ACVR2B: variants seen among roughly 807,000 people sequenced by gnomAD.
ACVR2B encodes the protein activin receptor type-2B.
A neutral mutation model predicts 65.1 loss-of-function variants in ACVR2B; 18 were observed. The ratio of observed to expected loss-of-function variants is 0.28; its 90% CI spans 0.19 to 0.41. The LOEUF (loss-of-function observed/expected upper bound fraction) is 0.41, where lower values mean the gene tolerates loss of function less well. ACVR2B is among the 10% of genes least tolerant of loss of function. ACVR2B has a pLI of 1.00. For missense variants in ACVR2B, 482 were observed against 682.7 expected (o/e 0.71, Z 3.28); for synonymous variants, 298 against 277.7 (o/e 1.07, Z -0.73).
chr3:38,464,121 C>T (rs891664768), intron 1 of ACVR2B, among the ~76,000 whole-genome samples: 1 of 152,240 alleles, frequency 6.6e-6, no homozygotes, highest in Non-Finnish European at 1.5e-5. Flanking sequence ...GTTAGGGCCT[C>T]AACCTATGAA....
rs756296682 is a variant in ACVR2B, at chr3:38,477,815, T to C, written c.261-46T>C. 7 of 1,575,460 alleles carry C rather than the reference T, an allele frequency of 4.4e-6. No homozygotes were observed. The Admixed American group carries it at 1.2e-4, about 26-fold the overall frequency. ...TTGGCAGGGCAGGCCTGGGGGAGTC[T>C]TGCATCCCCCAGGTGAGGGGTATAT... On this transcript the variant is annotated intron_variant, in intron 2 of 10. Transcript: ENST00000352511. The surrounding 1 kb of genome is among the most constrained non-coding windows in gnomAD (Gnocchi z 6.7).
intron 6 of ACVR2B, 133 bp from the exon 7 acceptor site, chr3:38,479,545 T>G: frequency 8.6e-7 from 1 of 1,166,466 alleles, no homozygotes; most frequent in Non-Finnish European, 1.3e-6. Context: ...TCATCCATCT[T>G]CCATATCGAT....
At chr3:38,476,004 GGGT>G (rs1709900939) in intron 1 of ACVR2B, 1 of 152,334 alleles carries the variant, frequency 6.6e-6, no homozygotes, top group Non-Finnish European at 1.5e-5. Context: ...CTATCCTCTC[GGGT>G]GTCTGTGTGG....
In ACVR2B at chr3:38,481,219, T is replaced by G. The variant is rs1710011816; in HGVS notation, c.960-132T>G. ...AGCTGCCTGCTTGTGCTGCTTCACC[T>G]CTGCACCCCAGGTAGGGTGGGATGG... is the stretch of plus-strand genomic sequence containing the variant. On this transcript the variant is annotated intron_variant, in intron 7 of 10. Transcript: ENST00000352511. The surrounding 1 kb of genome is among the most constrained non-coding windows in gnomAD (Gnocchi z 4.7). 2.2e-5 allele frequency: 17 copies of G among 790,316 alleles called. No individual in the cohort carries two copies. In the South Asian group the frequency reaches 2.3e-4, roughly 11 times the overall value. 49.0% of individuals were successfully genotyped at this position (790,316 alleles called of 1,614,324 possible). A position where few individuals can be genotyped will look rare whatever the true frequency, so the allele number is the denominator to read the frequency against.
intron 1 of ACVR2B, among the ~76,000 whole-genome samples, chr3:38,457,716 G>A (rs550389249): frequency 6.6e-6 from 1 of 152,322 alleles, no homozygotes; most frequent in Non-Finnish European, 1.5e-5. Context: ...TCTTGGAGAG[G>A]GACCTGCCTC....
In ACVR2B at chr3:38,454,311, G is replaced by A; in HGVS notation, c.-12G>A. On this transcript the variant is annotated 5_prime_UTR_variant, in exon 1 of 11. Transcript: ENST00000352511. The stretch of plus-strand genomic sequence containing the variant: ...GCGGGCTCCGGGTGTGCGCGGGGCG[G>A]CGCCGCGGAACATGACGGCGCCCTG... 1.6e-6 allele frequency: 2 copies of A among 1,285,186 alleles called. No individual in the cohort carries two copies. The highest frequency in any genetic ancestry group is 9.8e-7 in the Non-Finnish European group (1 of 1,016,468). The allele number at this position is 1,285,186 out of a possible 1,614,324, so 79.6% of individuals were successfully genotyped here. A position where few individuals can be genotyped will look rare whatever the true frequency, so the allele number is the denominator to read the frequency against.
chr3:38,459,669 G>A (rs1709608737), intron 1 of ACVR2B: 1 of 985,408 alleles, frequency 1.0e-6, no homozygotes, highest in South Asian at 4.7e-5. Context: ...ACCAGGGCAG[G>A]TGGGCAGCCT....
intron 1 of ACVR2B, among the ~76,000 whole-genome samples, chr3:38,470,018 C>T (rs1043360650): frequency 3.3e-5 from 5 of 151,620 alleles, no homozygotes; most frequent in South Asian, 2.1e-4. Context: ...AGAGAGAATT[C>T]GTGAATTGGA....
chr3:38,475,089 T>G (rs901685247), intron 1 of ACVR2B: 1 of 152,334 alleles, frequency 6.6e-6, no homozygotes. Context: ...GGAGGCCCTG[T>G]GGCCTCTGGG....
chr3:38,465,296 G>A (rs1297264052), intron 1 of ACVR2B, among the ~76,000 whole-genome samples: 1 of 151,726 alleles, frequency 6.6e-6, no homozygotes, highest in Non-Finnish European at 1.5e-5. Flanking sequence ...CTACTTGGGG[G>A]GCTGAGGCAG....
intron 7 of ACVR2B, among the ~76,000 whole-genome samples, chr3:38,480,043 A>G (rs1709990567): frequency 6.6e-6 from 1 of 152,222 alleles, no homozygotes; most frequent in Non-Finnish European, 1.5e-5. Flanking sequence ...TAATGGCCAC[A>G]TGAAGTGCTG....
intron 1 of ACVR2B, among the ~76,000 whole-genome samples, chr3:38,462,396 T>G (rs966236601): frequency 6.6e-6 from 1 of 152,144 alleles, no homozygotes; most frequent in African/African-American, 2.4e-5. Flanking sequence ...AATCAGAAAT[T>G]TTCCAGCCCC....
Position 38,477,438 on chromosome 3 carries a change from C to T in ACVR2B, c.204C>T (p.Gly68=). The T allele has an allele frequency of 1.2e-6, 2 of 1,614,188 alleles. No homozygotes were observed. The highest frequency in any genetic ancestry group is 1.7e-6 in the Non-Finnish European group (2 of 1,180,014). Residue 68 remains glycine (G), a synonymous_variant, in exon 2 of 11, where the codon GGC becomes GGT. Coordinates refer to ENST00000352511, the MANE Select transcript of ACVR2B (RefSeq NM_001106.4). This position sits in a 1 kb window ranked among gnomAD's most constrained non-coding sequence, Gnocchi z 6.7. ...HCYASWRNSS[G]TIELVKKGCW... Reference sequence around the variant, plus strand: ...ACGCCTCCTGGCGCAACAGCTCTGGCACCATCGAGCTCGTGAAGAAGGGCT... The same window carrying T: ...ACGCCTCCTGGCGCAACAGCTCTGGTACCATCGAGCTCGTGAAGAAGGGCT...
chr3:38,485,220 A>G lies in ACVR2B; in HGVS notation c.*1888A>G. 6.6e-6 allele frequency: 1 copy of G among 152,186 alleles called. No individual in the cohort carries two copies. The highest frequency in any genetic ancestry group is 1.5e-5 in the Non-Finnish European group (1 of 68,038). 9.4% of individuals were successfully genotyped at this position (152,186 alleles called of 1,614,324 possible). A position where few individuals can be genotyped will look rare whatever the true frequency, so the allele number is the denominator to read the frequency against. Reference sequence around the variant, plus strand: ...TAATTCACATGTAACATGTAACTTGATCGGTCAGTGTTCAGAATGACAAGT... The same window carrying G: ...TAATTCACATGTAACATGTAACTTGGTCGGTCAGTGTTCAGAATGACAAGT... On this transcript the variant is annotated 3_prime_UTR_variant, in exon 11 of 11. Transcript: ENST00000352511.
intron 1 of ACVR2B, among the ~76,000 whole-genome samples, chr3:38,464,560 G>A (rs1709699292): frequency 7.6e-6 from 1 of 131,566 alleles, no homozygotes; most frequent in Non-Finnish European, 1.8e-5. Context: ...AAAGGCCTAG[G>A]GTGATGATTT....
intron 1 of ACVR2B, among the ~76,000 whole-genome samples, chr3:38,472,744 G>A (rs555822434): frequency 6.6e-6 from 1 of 152,230 alleles, no homozygotes; most frequent in African/African-American, 2.4e-5. Flanking sequence ...GACTCCAGGG[G>A]AGGTGGGCAT....
chr3:38,459,838 A>G lies in ACVR2B; in HGVS notation c.52+5464A>G, dbSNP rs1013675277. On this transcript the variant is annotated intron_variant, in intron 1 of 10. Transcript: ENST00000352511. ...TGGAGGCCCTGGTGGAGCGGTTGGTATCTGTGGAGGCTTGTCTATTGGGCT... is the reference window on the plus strand; with the variant it reads ...TGGAGGCCCTGGTGGAGCGGTTGGTGTCTGTGGAGGCTTGTCTATTGGGCT... 15 of 217,362 alleles carry G rather than the reference A, an allele frequency of 6.9e-5. No homozygotes were observed. The East Asian group carries it at 1.5e-3, about 21-fold the overall frequency. 13.5% of individuals were successfully genotyped at this position (217,362 alleles called of 1,614,324 possible). A position where few individuals can be genotyped will look rare whatever the true frequency, so the allele number is the denominator to read the frequency against.
At chr3:38,458,460 TC>T (rs891422913) in intron 1 of ACVR2B, among the ~76,000 whole-genome samples, 2 of 152,194 alleles carry the variant, frequency 1.3e-5, no homozygotes, top group Non-Finnish European at 2.9e-5. Flanking sequence ...CCTGCACATA[TC>T]CACTGTAGTA....
chr3:38,479,701 G>A lies in ACVR2B; in HGVS notation c.834G>A (p.Lys278=). 6.2e-7 allele frequency: 1 copy of A among 1,614,182 alleles called. No homozygotes were observed. Residue 278 remains lysine, a synonymous_variant, in exon 7 of 11, where the codon AAG becomes AAA. Coordinates refer to ENST00000352511, the MANE Select transcript of ACVR2B (RefSeq NM_001106.4). ...AGGGCTCCCTCACGGATTACCTCAA[G>A]GGGAACATCATCACATGGAACGAAC... is the stretch of plus-strand genomic sequence containing the variant. ...HDKGSLTDYL[K]GNIITWNELC...
Sources: gnomAD v4.1 joint callset for allele counts (sites outside exome capture counted in the v4.1 genomes callset) on GRCh38, gnomAD v4.1.1 for gene constraint, Gnocchi (gnomAD v3.1) non-coding constraint, MANE v1.5 for transcripts, NCBI Gene and HGNC (gene_info 2026-07-23, HGNC 2026-07-21) for gene names.